NCOR2: variants seen among roughly 807,000 people sequenced by gnomAD.
NCOR2 encodes nuclear receptor corepressor 2.
NCOR2 carries 81 observed loss-of-function variants against 262.9 expected under a neutral mutation model. The observed-to-expected ratio is 0.31, with a 90% CI of 0.26 to 0.37. NCOR2 has a LOEUF of 0.37. NCOR2 is among the 10% of genes least tolerant of loss of function. The pLI is 1.00. For synonymous variants in NCOR2, 1,659 were observed against 1,559.3 expected (o/e 1.06, Z -1.51); for missense variants, 3,385 against 3,621.4 (o/e 0.93, Z 1.68).
intron 1 of NCOR2, among the ~76,000 whole-genome samples, chr12:124,543,683 G>A (rs913699108): frequency 4.6e-5 from 7 of 152,350 alleles, no homozygotes; most frequent in Non-Finnish European, 8.8e-5. Context: ...GGTATCGACC[G>A]CTTTTGGGAG....
At chr12:124,347,756 C>T in intron 30 of NCOR2, 69 bp downstream of exon 32, 1 of 1,484,952 alleles carries the variant, frequency 6.7e-7, no homozygotes, top group Non-Finnish European at 9.2e-7. Context: ...GGCTGTGTCT[C>T]TCCCTCCCGC....
intron 1 of NCOR2, chr12:124,530,192 A>G (rs1473541396): frequency 6.6e-6 from 1 of 152,144 alleles, no homozygotes; most frequent in Non-Finnish European, 1.5e-5. Flanking sequence ...AGACACAACA[A>G]AGTATAGTAT....
At chr12:124,376,410 C>A (rs944557664) in intron 18 of NCOR2, among the ~76,000 whole-genome samples, 6 of 152,256 alleles carry the variant, frequency 3.9e-5, no homozygotes, top group Non-Finnish European at 7.3e-5. Flanking sequence ...CCCGCCCATT[C>A]AGACACTGGA....
At chr12:124,355,594 T>C (rs758143096) in intron 23 of NCOR2, 23 bp from the exon 26 acceptor site, 17 of 1,538,634 alleles carry the variant, frequency 1.1e-5, no homozygotes, top group Admixed American at 2.0e-5. Flanking sequence ...TGTCTGTCCA[T>C]TGTGGGGCCC....
Position 124,543,269 on chromosome 12 carries a change from C to T in NCOR2, c.-164-7658G>A, listed in dbSNP as rs541703158. Among the ~76,000 whole-genome samples, 6 of 152,356 alleles carry T rather than the reference C, an allele frequency of 3.9e-5. No individual in the cohort carries two copies. The South Asian group carries it at 1.2e-3, about 32-fold the overall frequency. On this transcript the variant is annotated intron_variant, in intron 1 of 32. Transcript: ENST00000458234. ...GGAACGCGCCCCAGCCCCAGGGCCA[C>T]CTGTCTGCTCCCAACAAGGAAGGCT...
rs1215655648 is a variant in NCOR2 at position 124,347,843 on chromosome 12, G to A, written c.4054C>T (p.Arg1352Cys). The A allele has an allele frequency of 2.0e-5, 31 of 1,566,678 alleles. No homozygotes were observed. Among genetic ancestry groups the A allele is most frequent in the South Asian group, 2.3e-5 (2 of 85,118 alleles). Residue 1352 changes from arginine (R) to cysteine (C), a missense_variant, in exon 30 of 47, where the codon CGC becomes TGC. By Grantham distance (180) the Arg-to-Cys change is radical. Around this residue, in one of 5 missense-constraint regions of NCOR2, gnomAD observed 1,615 missense variants for 1,626.9 expected, o/e 0.99. Coordinates refer to ENST00000405201, the Ensembl canonical transcript of NCOR2. ...GCAGTACCTTGTGTGATGGACCCGC[G>A]GATGTGGTGCTGCTCTTTGAGGTGG...
rs539176315 is a variant in NCOR2, at chr12:124,440,420, G to A, written c.816-2424C>T. Among the ~76,000 whole-genome samples, 9 of 152,160 alleles carry A rather than the reference G, an allele frequency of 5.9e-5. No homozygotes were observed. Among genetic ancestry groups the A allele is most frequent in the Admixed American group, 2.6e-4 (4 of 15,282 alleles). Reference sequence around the variant, plus strand: ...CTCCCCACCTTCCATCAGTCTGGCCGCCGCCCCCCGGCCAGGGTGGGCCAT... The same window carrying A: ...CTCCCCACCTTCCATCAGTCTGGCCACCGCCCCCCGGCCAGGGTGGGCCAT... On this transcript the variant is annotated intron_variant, in intron 7 of 46. Coordinates refer to ENST00000405201, the Ensembl canonical transcript of NCOR2. The surrounding 1 kb of genome is among the most constrained non-coding windows in gnomAD (Gnocchi z 5.7).
At chr12:124,502,675 G>A (rs1422409653) in intron 1 of NCOR2, among the ~76,000 whole-genome samples, 1 of 152,132 alleles carries the variant, frequency 6.6e-6, no homozygotes, top group East Asian at 1.9e-4. Flanking sequence ...GAAAGCTGGG[G>A]TGTTCACTGC....
chr12:124,535,096 C>G (rs151133303), intron 1 of NCOR2, among the ~76,000 whole-genome samples: 1 of 152,250 alleles, frequency 6.6e-6, no homozygotes, highest in Non-Finnish European at 1.5e-5. Flanking sequence ...CCCAGGCCAC[C>G]TCTTTGCCTG....
intron 13 of NCOR2, among the ~76,000 whole-genome samples, chr12:124,406,283 G>A (rs979008504): frequency 3.3e-5 from 5 of 152,170 alleles, no homozygotes; most frequent in African/African-American, 4.8e-5. Context: ...GTGGGCTTTC[G>A]TTAGAGCACT....
chr12:124,393,433 A>G (rs1426066544), intron 16 of NCOR2, among the ~76,000 whole-genome samples: 3 of 152,158 alleles, frequency 2.0e-5, no homozygotes, highest in African/African-American at 7.2e-5. Context: ...TCATGTCCCC[A>G]GCCCCTCCCC....
chr12:124,553,131 T>C (rs2051767825), intron 1 of NCOR2, among the ~76,000 whole-genome samples: 1 of 152,224 alleles, frequency 6.6e-6, no homozygotes, highest in South Asian at 2.1e-4. Flanking sequence ...TTCTAGCGGC[T>C]GCCTGCACTC....
Position 124,503,679 on chromosome 12 carries a change from G to GATGGATGGATGGATGGACGGGTGA in NCOR2, c.-117-8312_-117-8311insTCACCCGTCCATCCATCCATCCAT, listed in dbSNP as rs2048888224. On this transcript the variant is annotated intron_variant, in intron 1 of 46. Transcript: ENST00000404621. The surrounding 1 kb of genome is among the most constrained non-coding windows in gnomAD (Gnocchi z 4.3). ...GGATGGATGGACGGGTGAATGGATG[G>GATGGATGGATGGATGGACGGGTGA]ATGGATGGATGGATGGATGGATGGA... Among the ~76,000 whole-genome samples, 1 of 122,702 alleles carries GATGGATGGATGGATGGACGGGTGA rather than the reference G, an allele frequency of 8.1e-6. No homozygotes were observed. Among genetic ancestry groups the GATGGATGGATGGATGGACGGGTGA allele is most frequent in the African/African-American group, 4.4e-5 (1 of 22,856 alleles). The allele number at this position is 122,702 out of a possible 152,430, so 80.5% of individuals were successfully genotyped here.
At position 124,341,834 on chromosome 12, in the gene NCOR2, G is replaced by A. The variant is rs776023520; in HGVS notation, c.5177C>T (p.Ala1726Val). The A allele has an allele frequency of 2.3e-5, 37 of 1,601,970 alleles. No individual in the cohort carries two copies. The highest frequency in any genetic ancestry group is 2.8e-5 in the Non-Finnish European group (33 of 1,176,228). The change falls in exon 34 of 47, where the codon GCG becomes GTG. Residue 1726 changes from alanine (A) to valine (V), a missense_variant. Ala to Val is a moderately conservative substitution (Grantham distance 64, BLOSUM62 0). Around this residue, in one of 5 missense-constraint regions of NCOR2, gnomAD observed 1,615 missense variants for 1,626.9 expected, o/e 0.99. Coordinates refer to ENST00000405201, the Ensembl canonical transcript of NCOR2. ...GCCCACCCACTCACCTCGGGGACCC[G>A]CAGCGTAGTTGAGTGCCAGCGAGGA...
rs572710190 is a variant in NCOR2 at position 124,336,129 on chromosome 12, T to C, written c.6116-497A>G. Reference sequence around the variant, plus strand: ...GTCCAGAGGCAGAGGGCTCCCCTTTTTCTGGGGTACAGGGGCTGGGGACAG... The same window carrying C: ...GTCCAGAGGCAGAGGGCTCCCCTTTCTCTGGGGTACAGGGGCTGGGGACAG... On this transcript the variant is annotated intron_variant, in intron 38 of 46. Coordinates refer to ENST00000405201, the Ensembl canonical transcript of NCOR2. The C allele has an allele frequency of 3.7e-5, 6 of 162,830 alleles. No individual in the cohort carries two copies. The South Asian group carries it at 1.0e-3, about 28-fold the overall frequency. 10.1% of individuals were successfully genotyped at this position (162,830 alleles called of 1,614,324 possible). A position where few individuals can be genotyped will look rare whatever the true frequency, so the allele number is the denominator to read the frequency against.
At chr12:124,422,765 G>C (rs1019197830) in intron 11 of NCOR2, among the ~76,000 whole-genome samples, 6 of 152,362 alleles carry the variant, frequency 3.9e-5, no homozygotes, top group African/African-American at 1.4e-4. Flanking sequence ...GCGTTCCTTG[G>C]AGTGAGTCAC....
chr12:124,325,916 A>G (rs913827724), intron 46 of NCOR2, among the ~76,000 whole-genome samples: 1 of 152,044 alleles, frequency 6.6e-6, no homozygotes, highest in Non-Finnish European at 1.5e-5. Context: ...CTACCCATCA[A>G]AGGAAGTCCA....
exon 4 of NCOR2, chr12:124,473,085 G>C (rs372814794): frequency 6.2e-7 from 1 of 1,614,002 alleles, no homozygotes; most frequent in Non-Finnish European, 8.5e-7. Flanking sequence ...AGTGTGCGGG[G>C]GGCTGGGGGG....
intron 43 of NCOR2, 48 bp downstream of exon 45, chr12:124,332,271 C>A (rs370009566): frequency 1.2e-6 from 2 of 1,605,754 alleles, no homozygotes; most frequent in Admixed American, 3.3e-5. Context: ...GCAGGCCACC[C>A]GCCCACCTGT....
Sources: gnomAD v4.1 joint callset for allele counts (sites outside exome capture counted in the v4.1 genomes callset) on GRCh38, gnomAD v4.1.1 for gene constraint, gnomAD v4.1.1 regional missense constraint, Gnocchi (gnomAD v3.1) non-coding constraint, MANE v1.5 for transcripts, NCBI Gene and HGNC (gene_info 2026-07-23, HGNC 2026-07-21) for gene names.